Variants in CROCC2 observed in about 807,000 individuals in gnomAD.
The protein encoded by CROCC2 is ciliary rootlet coiled-coil, rootletin family member 2.
Under a neutral mutation model 177.6 loss-of-function variants are expected in CROCC2, and 163 were observed. The observed-to-expected ratio is 0.92, with a 90% CI of 0.81 to 1.05. The LOEUF (loss-of-function observed/expected upper bound fraction) is 1.05, where lower values mean the gene tolerates loss of function less well. CROCC2 is among the 50% of genes least tolerant of loss of function. The pLI, the probability that CROCC2 is intolerant of heterozygous loss-of-function variation, is 0.00. For missense variants in CROCC2, 1,929 were observed against 1,797.8 expected, an observed-to-expected ratio of 1.07 and a Z score of -1.32; for synonymous variants, 904 against 787.3, an observed-to-expected ratio of 1.15 and a Z score of -2.48.
At chr2:240,991,172 C>T (rs1484797435) in intron 30 of CROCC2, 24 bp from the exon 31 acceptor site, 1 of 1,520,086 alleles carries the variant, frequency 6.6e-7, no homozygotes, top group Non-Finnish European at 8.9e-7. Context: ...GCCCACCTGA[C>T]CTGAGCCACT....
chr2:240,933,444 C>A, intron 10 of CROCC2, 102 bp downstream of exon 10: 1 of 1,281,716 alleles, frequency 7.8e-7, no homozygotes, highest in South Asian at 1.5e-5. Context: ...GGAGGGGTTG[C>A]CAGCCGGGGA....
At chr2:240,965,240 T>G in intron 22 of CROCC2, 141 bp from the exon 23 acceptor site, 1 of 1,266,620 alleles carries the variant, frequency 7.9e-7, no homozygotes, top group Non-Finnish European at 1.1e-6. Context: ...GGCAAGGTCC[T>G]TTGGGGCACC....
intron 19 of CROCC2, among the ~76,000 whole-genome samples, chr2:240,956,940 C>A (rs994632170): frequency 1.3e-5 from 2 of 152,130 alleles, no homozygotes; most frequent in Non-Finnish European, 2.9e-5. Context: ...CAGAGCCCAG[C>A]GATAGGACAT....
chr2:240,932,485 C>T (rs571386794), intron 8 of CROCC2, 71 bp downstream of exon 8: 1 of 712,504 alleles, frequency 1.4e-6, no homozygotes, highest in Non-Finnish European at 2.6e-6. Context: ...TCCCCTGCCA[C>T]AGGAAGCCTG....
chr2:240,934,534 C>T, intron 12 of CROCC2, 59 bp downstream of exon 12: 1 of 1,480,488 alleles, frequency 6.8e-7, no homozygotes, highest in African/African-American at 1.4e-5. Context: ...CCACCCTGGC[C>T]TCACTGACCT....
intron 14 of CROCC2, among the ~76,000 whole-genome samples, chr2:240,943,971 G>A (rs2059508655): frequency 1.3e-5 from 2 of 152,184 alleles, no homozygotes; most frequent in Non-Finnish European, 2.9e-5. Flanking sequence ...TTATTGGATT[G>A]TACGTTGTAT....
chr2:240,986,139 G>C (rs1324686974), intron 28 of CROCC2: 2 of 349,624 alleles, frequency 5.7e-6, no homozygotes, highest in Non-Finnish European at 5.8e-6. Context: ...ACCGCGACTG[G>C]CTCACAAACG....
At chr2:240,965,197 G>T (rs1194273404) in intron 22 of CROCC2, among the ~76,000 whole-genome samples, 184 bp from the exon 23 acceptor site, 1 of 152,200 alleles carries the variant, frequency 6.6e-6, no homozygotes, top group Non-Finnish European at 1.5e-5. Context: ...CCAGGTAGGT[G>T]TCTACAGAGT....
chr2:240,916,648 C>A (rs943584058), intron 1 of CROCC2, among the ~76,000 whole-genome samples: 1 of 152,092 alleles, frequency 6.6e-6, no homozygotes, highest in African/African-American at 2.4e-5. Context: ...CGGGACGTCC[C>A]GCTAATAAGT....
chr2:240,941,043 G>A (rs2059492057), intron 14 of CROCC2, among the ~76,000 whole-genome samples: 1 of 152,060 alleles, frequency 6.6e-6, no homozygotes. Context: ...TACACCAACA[G>A]GGACTAAGCT....
Position 240,920,053 on chromosome 2 carries a change from G to C in CROCC2, c.300G>C (p.Leu100=). The change falls in exon 3 of 32, where the codon CTG becomes CTC. Residue 100 remains leucine, a synonymous_variant. Coordinates refer to ENST00000690015, the MANE Select transcript of CROCC2 (RefSeq NM_001351305.2). ...AGAACGAGCTCCTGCAGGAGGAGCT[G>C]ACCCGGCTGGGGGACCTGCTGGCCC... ...QEENELLQEE[L]TRLGDLLAQA... 1 of 716,128 alleles carries C rather than the reference G, an allele frequency of 1.4e-6. No individual in the cohort carries two copies. The highest frequency in any genetic ancestry group is 1.7e-5 in the African/African-American group (1 of 57,360). 44.4% of individuals were successfully genotyped at this position (716,128 alleles called of 1,614,324 possible).
chr2:240,914,082 G>T (rs1238289111), intron 1 of CROCC2, among the ~76,000 whole-genome samples: 1 of 152,250 alleles, frequency 6.6e-6, no homozygotes, highest in Non-Finnish European at 1.5e-5. Flanking sequence ...GCCCGGCCCG[G>T]AAGCTGCTTG....
chr2:240,932,608 C>T, intron 8 of CROCC2, 94 bp from the exon 9 acceptor site: 1 of 705,280 alleles, frequency 1.4e-6, no homozygotes, highest in South Asian at 1.5e-5. Context: ...GTGGAGGTAG[C>T]CCGCAGGGAC....
At chr2:240,975,200 T>G (rs566884828) in intron 27 of CROCC2, among the ~76,000 whole-genome samples, 1 of 152,220 alleles carries the variant, frequency 6.6e-6, no homozygotes, top group Non-Finnish European at 1.5e-5. Flanking sequence ...GCTAGTATGG[T>G]CAAAGCAGGA....
At position 240,972,112 on chromosome 2, in the gene CROCC2, T is replaced by C. The variant is rs1486091834; in HGVS notation, c.4401+3850T>C. On this transcript the variant is annotated intron_variant, in intron 27 of 31. Coordinates refer to ENST00000690015, the MANE Select transcript of CROCC2 (RefSeq NM_001351305.2). The surrounding 1 kb of genome is among the most constrained non-coding windows in gnomAD (Gnocchi z 7.1). ...TATTTTCTCAAACCCCAGTGGATAC[T>C]AGTTTTGTGATTTTTTTCCTTTGCG... Among the ~76,000 whole-genome samples the C allele has an allele frequency of 1.3e-5, 2 of 152,310 alleles. No homozygotes were observed. The highest frequency in any genetic ancestry group is 4.8e-5 in the African/African-American group (2 of 41,572).
chr2:240,983,668 A>G, intron 28 of CROCC2: 1 of 1,256,250 alleles, frequency 8.0e-7, no homozygotes, highest in Non-Finnish European at 1.0e-6. Flanking sequence ...TGGCCCACGC[A>G]TGCTTCTGTG....
chr2:240,919,673 G>A (rs141054482), intron 2 of CROCC2, among the ~76,000 whole-genome samples: 38 of 152,354 alleles, frequency 2.5e-4, no homozygotes, highest in Non-Finnish European at 4.6e-4. Flanking sequence ...CAGCGCGAGT[G>A]CCCAGCGTCC....
At chr2:240,976,872 C>G (rs1459137335) in intron 27 of CROCC2, among the ~76,000 whole-genome samples, 2 of 16,580 alleles carry the variant, frequency 1.2e-4, no homozygotes, top group Admixed American at 4.2e-4. Flanking sequence ...CCTGCTCAGT[C>G]TCTGGGGTAG....
chr2:240,910,217 G>A (rs2059278628), intron 1 of CROCC2, among the ~76,000 whole-genome samples: 1 of 152,092 alleles, frequency 6.6e-6, no homozygotes, highest in Non-Finnish European at 1.5e-5. Context: ...CGTGAAGTGG[G>A]GGGTATCTGT....
Sources: gnomAD v4.1 joint callset for allele counts (sites outside exome capture counted in the v4.1 genomes callset) on GRCh38, gnomAD v4.1.1 for gene constraint, Gnocchi (gnomAD v3.1) non-coding constraint, MANE v1.5 for transcripts, NCBI Gene and HGNC (gene_info 2026-07-23, HGNC 2026-07-21) for gene names.